FNDC1: variants seen among roughly 807,000 people sequenced by gnomAD.
FNDC1 encodes fibronectin type III domain containing 1.
A neutral mutation model predicts 168.0 loss-of-function variants in FNDC1; 96 were observed. The observed-to-expected ratio is 0.57, with a 90% CI of 0.48 to 0.68. FNDC1 has a LOEUF of 0.68. Among genes scored for constraint, FNDC1 ranks in the 30% least tolerant of loss-of-function variants. FNDC1 has a pLI of 0.00. For missense variants in FNDC1, 2,587 were observed against 2,482.1 expected, an observed-to-expected ratio of 1.04 and a Z score of -0.90; for synonymous variants, 1,099 against 1,025.9, an observed-to-expected ratio of 1.07 and a Z score of -1.36.
Position 159,239,824 on chromosome 6 carries a change from GA to G in FNDC1, c.4489del (p.Thr1497GlnfsTer30). On this transcript the variant is annotated frameshift_variant, in exon 14 of 23. Coordinates refer to ENST00000297267, the MANE Select transcript of FNDC1 (RefSeq NM_032532.3). LOFTEE classifies it high-confidence loss of function. ...CAACCACAGTCCGAACCACTACGCG[GA>G]CAACCACCACCACCACCCCCACACC... ...PTTTVRTTTR[T>X]TTTTTPTPTT... 6.5e-7 allele frequency: 1 copy of G among 1,546,202 alleles called. No individual in the cohort carries two copies. Among genetic ancestry groups the G allele is most frequent in the East Asian group, 2.4e-5 (1 of 40,868 alleles).
chr6:159,206,703 A>C (rs1782493617), intron 4 of FNDC1, among the ~76,000 whole-genome samples: 1 of 152,194 alleles, frequency 6.6e-6, no homozygotes, highest in Non-Finnish European at 1.5e-5. Context: ...ACCATTAATC[A>C]GAGATTCTAC....
chr6:159,270,540 G>A (rs1278461395), intron 22 of FNDC1, among the ~76,000 whole-genome samples: 1 of 152,184 alleles, frequency 6.6e-6, no homozygotes, highest in Non-Finnish European at 1.5e-5. Flanking sequence ...CAGAGCTGCT[G>A]GGTATTCAGC....
chr6:159,181,970 C>T (rs1377437612), intron 1 of FNDC1, among the ~76,000 whole-genome samples: 2 of 152,126 alleles, frequency 1.3e-5, no homozygotes, highest in African/African-American at 4.8e-5. Flanking sequence ...ACTTTCCACT[C>T]CACCCATCAA....
At chr6:159,220,362 C>T (rs1235989485) in intron 5 of FNDC1, among the ~76,000 whole-genome samples, 1 of 152,206 alleles carries the variant, frequency 6.6e-6, no homozygotes, top group Non-Finnish European at 1.5e-5. Context: ...ATCTTAGTGT[C>T]ACTTCCGTTA....
rs1777528643 is a variant in FNDC1 at position 159,263,370 on chromosome 6, A to G, written c.5255-1605A>G. ...AACTGATGCAGGCGTGAACATTCAT[A>G]GGATACATATCCTAAAACAGCAATT... On this transcript the variant is annotated intron_variant, in intron 19 of 22. Transcript: ENST00000297267. 2.6e-5 allele frequency among the ~76,000 whole-genome samples: 4 copies of G among 152,224 alleles called. 1 individual carries two copies. The South Asian group carries it at 8.3e-4, about 32-fold the overall frequency.
At chr6:159,184,503 C>T (rs996853606) in intron 1 of FNDC1, among the ~76,000 whole-genome samples, 3 of 152,126 alleles carry the variant, frequency 2.0e-5, no homozygotes, top group African/African-American at 7.2e-5. Flanking sequence ...GGCTCATTAG[C>T]AAGTGGGGTT....
chr6:159,210,072 G>T (rs772138537), intron 4 of FNDC1, among the ~76,000 whole-genome samples: 13 of 152,220 alleles, frequency 8.5e-5, no homozygotes, highest in Non-Finnish European at 1.6e-4. Context: ...GAGCAGTCGG[G>T]TCCTTGGGAA....
intron 1 of FNDC1, among the ~76,000 whole-genome samples, chr6:159,178,291 C>T (rs761948681): frequency 6.6e-5 from 10 of 152,232 alleles, no homozygotes; most frequent in Non-Finnish European, 1.5e-4. Context: ...CCTTTGTCTT[C>T]CTTTCACTCC....
intron 8 of FNDC1, 37 bp downstream of exon 8, chr6:159,225,759 G>T (rs1782943122): frequency 6.6e-7 from 1 of 1,512,346 alleles, no homozygotes; most frequent in African/African-American, 1.4e-5. Context: ...TTTCAATTTG[G>T]GAATTACACC....
intron 5 of FNDC1, among the ~76,000 whole-genome samples, chr6:159,220,265 C>G (rs1782794493): frequency 6.6e-6 from 1 of 152,188 alleles, no homozygotes; most frequent in Non-Finnish European, 1.5e-5. Context: ...GCACAACATG[C>G]TTGTAAAGAC....
At position 159,190,135 on chromosome 6, in the gene FNDC1, G is replaced by A. The variant is rs140711111; in HGVS notation, c.110-7296G>A. On this transcript the variant is annotated intron_variant, in intron 1 of 22. Coordinates refer to ENST00000297267, the MANE Select transcript of FNDC1 (RefSeq NM_032532.3). Reference sequence around the variant, plus strand: ...CCAGGGCATCGCCTGAAGGTGGCGCGAGGTGGTCCTCATCCTCGCCCTGAG... The same window carrying A: ...CCAGGGCATCGCCTGAAGGTGGCGCAAGGTGGTCCTCATCCTCGCCCTGAG... 3.0e-3 allele frequency among the ~76,000 whole-genome samples: 450 copies of A among 152,276 alleles called. 2 individuals are homozygous for A. Among genetic ancestry groups the A allele is most frequent in the African/African-American group, 0.01 (431 of 41,552 alleles).
chr6:159,176,606 C>T (rs981877572), intron 1 of FNDC1, among the ~76,000 whole-genome samples: 2 of 152,142 alleles, frequency 1.3e-5, no homozygotes, highest in African/African-American at 2.4e-5. Context: ...CGAGGTGGTT[C>T]GTGCTAAGTG....
chr6:159,251,106 G>T (rs946598931), intron 16 of FNDC1, among the ~76,000 whole-genome samples, 196 bp from the exon 17 acceptor site: 2 of 152,150 alleles, frequency 1.3e-5, no homozygotes, highest in Non-Finnish European at 2.9e-5. Context: ...GGAATTACCA[G>T]ATTGAAAGAC....
In FNDC1 at chr6:159,223,618, A is replaced by C; in HGVS notation, c.857A>C (p.Glu286Ala). 2.5e-6 allele frequency: 4 copies of C among 1,612,584 alleles called. No individual in the cohort carries two copies. The highest frequency in any genetic ancestry group is 3.4e-6 in the Non-Finnish European group (4 of 1,179,076). Reference protein sequence around the residue: ...VLVSWVDPVLEKQKKVVASRQ... With the variant: ...VLVSWVDPVLAKQKKVVASRQ... ...GTGTCCTGGGTGGATCCTGTTCTGG[A>C]AAAACAGAAGAAAGTTGTTGCATCA... Residue 286 changes from glutamate to alanine, a missense_variant, in exon 7 of 23, where the codon GAA (glutamate) becomes GCA (alanine). Coordinates refer to ENST00000297267, the MANE Select transcript of FNDC1 (RefSeq NM_032532.3).
At chr6:159,176,173 C>T (rs948669532) in intron 1 of FNDC1, among the ~76,000 whole-genome samples, 3 of 152,162 alleles carry the variant, frequency 2.0e-5, no homozygotes, top group African/African-American at 7.2e-5. Flanking sequence ...CTCTTCAGGC[C>T]TCAGTTTTCT....
chr6:159,265,487 C>T (rs1777571588), intron 20 of FNDC1, among the ~76,000 whole-genome samples: 1 of 152,150 alleles, frequency 6.6e-6, no homozygotes, highest in Admixed American at 6.5e-5. Flanking sequence ...AGCTTATTTT[C>T]CTTGCCGTTT....
chr6:159,182,996 G>C (rs1781915063), intron 1 of FNDC1, among the ~76,000 whole-genome samples: 1 of 152,234 alleles, frequency 6.6e-6, no homozygotes, highest in South Asian at 2.1e-4. Flanking sequence ...GCCAAGAGCT[G>C]AGATACTGGG....
At chr6:159,192,220 C>A (rs1037466836) in intron 1 of FNDC1, among the ~76,000 whole-genome samples, 34 of 152,266 alleles carry the variant, frequency 2.2e-4, no homozygotes, top group African/African-American at 7.9e-4. Flanking sequence ...CCTCTAAAAT[C>A]TACCATCCAT....
intron 22 of FNDC1, 150 bp downstream of exon 22, chr6:159,268,076 G>C: frequency 1.2e-6 from 1 of 864,320 alleles, no homozygotes. Context: ...ATAAAATAAA[G>C]AATCAACAAA....
Sources: gnomAD v4.1 joint callset for allele counts (sites outside exome capture counted in the v4.1 genomes callset) on GRCh38, gnomAD v4.1.1 for gene constraint, MANE v1.5 for transcripts, NCBI Gene and HGNC (gene_info 2026-07-23, HGNC 2026-07-21) for gene names.